The following RUNX1 variants were observed in gnomAD, a reference collection of about 807,000 sequenced individuals.
The protein encoded by RUNX1 is runt-related transcription factor 1.
A neutral mutation model predicts 42.8 loss-of-function variants in RUNX1; 19 were observed. That is an observed-to-expected ratio of 0.44 (90% CI 0.31 to 0.65). The LOEUF is 0.65. Ranked by LOEUF, RUNX1 falls within the 30% of genes least tolerant of loss-of-function variation. RUNX1 has a pLI of 0.07. For synonymous variants in RUNX1, 271 were observed against 289.4 expected (o/e 0.94, Z 0.64); for missense variants, 528 against 672.0 (o/e 0.79, Z 2.37).
intron 2 of RUNX1, among the ~76,000 whole-genome samples, chr21:34,978,807 T>C (rs1251308397): frequency 6.6e-6 from 1 of 152,160 alleles, no homozygotes; most frequent in East Asian, 1.9e-4. Flanking sequence ...TAAACCTCTG[T>C]CTGCTGGAAG....
chr21:34,862,565 T>C (rs1300486457), intron 5 of RUNX1, among the ~76,000 whole-genome samples: 2 of 152,152 alleles, frequency 1.3e-5, no homozygotes, highest in Admixed American at 6.5e-5. Context: ...CTTTCTCGCT[T>C]CGGATGGTGG....
chr21:34,792,917 G>C lies in RUNX1; in HGVS notation c.968-307C>G, dbSNP rs2145880448. 6.6e-6 allele frequency among the ~76,000 whole-genome samples: 1 copy of C among 151,750 alleles called. No individual in the cohort carries two copies. The highest frequency in any genetic ancestry group is 2.1e-4 in the South Asian group (1 of 4,792). On this transcript the variant is annotated intron_variant, in intron 8 of 8. Coordinates refer to ENST00000675419, the MANE Select transcript of RUNX1 (RefSeq NM_001754.5). The surrounding 1 kb of genome is among the most constrained non-coding windows in gnomAD (Gnocchi z 6.9). The stretch of plus-strand genomic sequence containing the variant: ...ACTACCCATGATGCTATGCCCAGGA[G>C]GTCGGGGACCACTCAGGATGCCACC...
At chr21:34,941,830 CT>C (rs201225102) in intron 2 of RUNX1, among the ~76,000 whole-genome samples, 3,412 of 138,388 alleles carry the variant, frequency 0.025, 46 homozygotes, top group East Asian at 0.072. Context: ...TATTTTTTTC[CT>C]TTTTTTTTTT....
At chr21:34,996,869 C>A (rs975705154) in intron 2 of RUNX1, among the ~76,000 whole-genome samples, 2 of 152,116 alleles carry the variant, frequency 1.3e-5, no homozygotes, top group East Asian at 3.8e-4. Context: ...AACCCCTACT[C>A]CCAAACATAA....
At chr21:34,819,594 G>A (rs1251232576) in intron 7 of RUNX1, among the ~76,000 whole-genome samples, 1 of 152,230 alleles carries the variant, frequency 6.6e-6, no homozygotes, top group Non-Finnish European at 1.5e-5. Context: ...CCTGCCATTC[G>A]TCACCCTGAC....
intron 2 of RUNX1, among the ~76,000 whole-genome samples, chr21:34,950,883 A>G (rs563423486): frequency 6.6e-6 from 1 of 152,352 alleles, no homozygotes; most frequent in East Asian, 1.9e-4. Context: ...AGCGTGGTTT[A>G]GGGGAGGCAC....
chr21:34,830,185 T>C (rs16992400), intron 7 of RUNX1, among the ~76,000 whole-genome samples: 7,590 of 152,262 alleles, frequency 0.05, 512 homozygotes, highest in African/African-American at 0.15. Flanking sequence ...AAAAGTGGAT[T>C]AGATGTTGAC....
At chr21:34,906,923 G>C (rs1278518056) in intron 2 of RUNX1, among the ~76,000 whole-genome samples, 1 of 152,202 alleles carries the variant, frequency 6.6e-6, no homozygotes, top group African/African-American at 2.4e-5. Context: ...ATGGCCTTAT[G>C]GTTTAAATAT....
chr21:34,868,828 A>G (rs183661090), intron 5 of RUNX1, among the ~76,000 whole-genome samples: 4 of 152,342 alleles, frequency 2.6e-5, no homozygotes, highest in African/African-American at 9.6e-5. Flanking sequence ...CCTGGCACAC[A>G]GTAGGTGCAC....
chr21:34,893,026 CTT>C (rs376929893), intron 2 of RUNX1, 63 bp from the exon 3 acceptor site: 581 of 845,536 alleles, frequency 6.9e-4, no homozygotes, highest in Admixed American at 9.3e-4. Context: ...TTTCCCCCGA[CTT>C]TTTTTTTTTT....
intron 2 of RUNX1, among the ~76,000 whole-genome samples, chr21:34,917,494 TAGAC>T (rs924146423): frequency 3.3e-5 from 5 of 152,236 alleles, no homozygotes; most frequent in African/African-American, 1.2e-4. Flanking sequence ...GACTGGTTAT[TAGAC>T]AGTAAGAGAA....
At chr21:34,897,926 T>C (rs953772419) in intron 2 of RUNX1, among the ~76,000 whole-genome samples, 1 of 152,214 alleles carries the variant, frequency 6.6e-6, no homozygotes, top group Non-Finnish European at 1.5e-5. Flanking sequence ...CTTTGACTCA[T>C]GCAACAGAGA....
chr21:35,044,393 T>C (rs2059381891), intron 2 of RUNX1, among the ~76,000 whole-genome samples: 1 of 152,204 alleles, frequency 6.6e-6, no homozygotes, highest in Admixed American at 6.5e-5. Context: ...TAACTGAACA[T>C]TGATAGCCAC....
chr21:35,018,127 G>A (rs1468555751), intron 2 of RUNX1, among the ~76,000 whole-genome samples: 3 of 152,104 alleles, frequency 2.0e-5, no homozygotes, highest in Non-Finnish European at 2.9e-5. Context: ...CCTGGTTCAC[G>A]CCATTCTCCT....
chr21:35,030,766 A>G (rs1312114525), intron 2 of RUNX1, among the ~76,000 whole-genome samples: 1 of 152,238 alleles, frequency 6.6e-6, no homozygotes. Context: ...AAAAGGAAAC[A>G]TTCAACAGAA....
Position 34,990,405 on chromosome 21 carries a change from C to T in RUNX1, c.58+58437G>A, listed in dbSNP as rs1372628239. On this transcript the variant is annotated intron_variant, in intron 2 of 8. Coordinates refer to ENST00000675419, the MANE Select transcript of RUNX1 (RefSeq NM_001754.5). The stretch of plus-strand genomic sequence containing the variant: ...CAGAATGGCAGAGCTGCACGTGTGC[C>T]GCTGTGTGACATTCCTGGTGCTAAA... Among the ~76,000 whole-genome samples the T allele has an allele frequency of 7.2e-5, 11 of 152,180 alleles. No homozygotes were observed. In the South Asian group the frequency reaches 1.5e-3, roughly 20 times the overall value.
chr21:35,024,009 A>G (rs1471429379), intron 2 of RUNX1, among the ~76,000 whole-genome samples: 2 of 151,310 alleles, frequency 1.3e-5, no homozygotes, highest in Non-Finnish European at 2.9e-5. Flanking sequence ...AACATATTAA[A>G]TAAATACAAA....
At chr21:34,827,292 T>C (rs1461678362) in intron 7 of RUNX1, among the ~76,000 whole-genome samples, 1 of 152,234 alleles carries the variant, frequency 6.6e-6, no homozygotes, top group Admixed American at 6.5e-5. Context: ...GGCTGCTGTG[T>C]GGCTACTTTT....
chr21:34,922,869 T>TAC (rs2058364415), intron 2 of RUNX1, among the ~76,000 whole-genome samples: 1 of 152,228 alleles, frequency 6.6e-6, no homozygotes, highest in African/African-American at 2.4e-5. Context: ...AATAAGTATC[T>TAC]ACCATTGATT....
Sources: allele counts gnomAD v4.1 joint callset (sites outside exome capture counted in the v4.1 genomes callset), GRCh38; gene constraint gnomAD v4.1.1; non-coding constraint Gnocchi (gnomAD v3.1); transcripts MANE v1.5; gene names NCBI Gene and HGNC (gene_info 2026-07-23, HGNC 2026-07-21).